Variants in KCNH5 observed in about 807,000 individuals in gnomAD.
KCNH5 encodes potassium voltage-gated channel subfamily H member 5.
KCNH5 carries 46 observed loss-of-function variants against 96.1 expected under a neutral mutation model. The ratio of observed to expected loss-of-function variants is 0.48; its 90% CI spans 0.38 to 0.61. The LOEUF is 0.61. Among genes scored for constraint, KCNH5 ranks in the 20% least tolerant of loss-of-function variants. KCNH5 has a pLI of 0.00. For synonymous variants in KCNH5, 439 were observed against 449.8 expected, an observed-to-expected ratio of 0.98 and a Z score of 0.30; for missense variants, 907 against 1,225.8, an observed-to-expected ratio of 0.74 and a Z score of 3.88.
chr14:63,009,531 C>T (rs1486338099), intron 2 of KCNH5, among the ~76,000 whole-genome samples: 1 of 151,956 alleles, frequency 6.6e-6, no homozygotes, highest in South Asian at 2.1e-4. Context: ...TTTATTATAC[C>T]GCATATTTCC....
At chr14:63,000,217 G>A (rs577564996) in intron 4 of KCNH5, among the ~76,000 whole-genome samples, 40 of 152,086 alleles carry the variant, frequency 2.6e-4, no homozygotes, top group Admixed American at 2.5e-3. Context: ...AAGTTTCTAT[G>A]CCAGTTTTTT....
chr14:62,910,941 A>G (rs75605219), intron 7 of KCNH5, among the ~76,000 whole-genome samples: 17 of 140,784 alleles, frequency 1.2e-4, no homozygotes, highest in African/African-American at 4.3e-4. Context: ...ACACACACAC[A>G]CCCCTCTGTT....
At chr14:62,727,297 G>C (rs984718044) in intron 10 of KCNH5, among the ~76,000 whole-genome samples, 3 of 152,058 alleles carry the variant, frequency 2.0e-5, no homozygotes, top group African/African-American at 4.8e-5. Context: ...CCTGGGACGT[G>C]GGGGTGACAG....
chr14:62,972,811 C>G (rs556205285), intron 6 of KCNH5, among the ~76,000 whole-genome samples: 3 of 152,032 alleles, frequency 2.0e-5, no homozygotes, highest in Non-Finnish European at 4.4e-5. Context: ...GAAGGCAAAA[C>G]TATGGAGACA....
chr14:62,941,278 G>T (rs1272515938), intron 7 of KCNH5, among the ~76,000 whole-genome samples: 1 of 152,162 alleles, frequency 6.6e-6, no homozygotes, highest in Admixed American at 6.6e-5. Context: ...TACAGAATTT[G>T]AGAGGCTTTG....
At chr14:62,775,667 A>G (rs1178542134) in intron 10 of KCNH5, among the ~76,000 whole-genome samples, 2 of 152,174 alleles carry the variant, frequency 1.3e-5, no homozygotes, top group African/African-American at 4.8e-5. Context: ...CCCTCTGAAT[A>G]GGCAGCAAGT....
chr14:62,807,759 A>AGGAG (rs2140004606), intron 8 of KCNH5, among the ~76,000 whole-genome samples: 2 of 152,230 alleles, frequency 1.3e-5, no homozygotes, highest in African/African-American at 4.8e-5. Context: ...GTTGTTTAAA[A>AGGAG]GGAGGGATGT....
chr14:62,721,600 C>T (rs1387839146), intron 10 of KCNH5, among the ~76,000 whole-genome samples: 1 of 151,698 alleles, frequency 6.6e-6, no homozygotes, highest in Admixed American at 6.6e-5. Flanking sequence ...CTCATCTTTG[C>T]CCCCAAACTG....
rs141909523 is a variant in KCNH5, at chr14:63,006,366, T to G, written c.304A>C (p.Arg102=). ...TCTTATTAATAATTGAGATACCTACTGTTTTTCTTGTACAGAAGAACTTCA... is the reference window on the plus strand; with the variant it reads ...TCTTATTAATAATTGAGATACCTACGGTTTTTCTTGTACAGAAGAACTTCA... ...CFEVLLYKKN[R]TPVWFYMQIA... The change falls in exon 3 of 11, where the codon AGA becomes CGA. Residue 102 remains arginine, a splice_region_variant and synonymous_variant. Coordinates refer to ENST00000322893, the MANE Select transcript of KCNH5 (RefSeq NM_139318.5). 5.3e-5 allele frequency: 84 copies of G among 1,586,422 alleles called. No homozygotes were observed. Among genetic ancestry groups the G allele is most frequent in the Non-Finnish European group, 7.0e-5 (81 of 1,156,430 alleles).
chr14:63,001,231 T>G, intron 4 of KCNH5, 100 bp downstream of exon 4: 1 of 1,017,590 alleles, frequency 9.8e-7, no homozygotes, highest in Non-Finnish European at 1.4e-6. Flanking sequence ...GGCCACATAG[T>G]AGAATTTTGT....
intron 1 of KCNH5, among the ~76,000 whole-genome samples, chr14:63,025,264 ACAT>A (rs1345834574): frequency 6.6e-6 from 1 of 152,032 alleles, no homozygotes; most frequent in African/African-American, 2.4e-5. Flanking sequence ...ACAAGCTCTA[ACAT>A]CATACTCAAT....
intron 10 of KCNH5, among the ~76,000 whole-genome samples, chr14:62,754,611 G>T (rs1258318874): frequency 1.3e-5 from 2 of 152,168 alleles, no homozygotes; most frequent in East Asian, 3.9e-4. Flanking sequence ...GCTGGCTCAT[G>T]CCTATAATCC....
At position 62,705,409 on chromosome 14, in the gene KCNH5, A is replaced by G. The variant is rs969747370; in HGVS notation, c.*2099T>C. 4 of 152,050 alleles carry G rather than the reference A, an allele frequency of 2.6e-5. No homozygotes were observed. Among genetic ancestry groups the G allele is most frequent in the African/African-American group, 9.6e-5 (4 of 41,464 alleles). 9.4% of individuals were successfully genotyped at this position (152,050 alleles called of 1,614,324 possible). On this transcript the variant is annotated 3_prime_UTR_variant, in exon 11 of 11. Coordinates refer to ENST00000322893, the MANE Select transcript of KCNH5 (RefSeq NM_139318.5). ...CAAATAGAAAAATACCCTGAAATTC[A>G]ATAAATGTCAGAGGTCACGAAAAAG...
chr14:63,013,483 T>C (rs913988116), intron 2 of KCNH5, among the ~76,000 whole-genome samples: 1 of 152,170 alleles, frequency 6.6e-6, no homozygotes, highest in Non-Finnish European at 1.5e-5. Flanking sequence ...CAGTGTCAAA[T>C]ACTTATCTCC....
intron 7 of KCNH5, among the ~76,000 whole-genome samples, chr14:62,869,632 G>C (rs908544025): frequency 2.6e-5 from 4 of 152,016 alleles, no homozygotes; most frequent in African/African-American, 4.8e-5. Context: ...GTATTGCCTA[G>C]GTTTTCTTCT....
intron 6 of KCNH5, among the ~76,000 whole-genome samples, chr14:62,966,027 G>C (rs879530156): frequency 2.0e-5 from 3 of 152,052 alleles, no homozygotes; most frequent in Non-Finnish European, 4.4e-5. Context: ...CTGTGACCAG[G>C]ACAATTGCAA....
At chr14:62,742,183 T>C (rs1885284627) in intron 10 of KCNH5, among the ~76,000 whole-genome samples, 1 of 151,944 alleles carries the variant, frequency 6.6e-6, no homozygotes, top group Non-Finnish European at 1.5e-5. Context: ...GAGTGCTCTA[T>C]GCAGCATATG....
chr14:63,041,885 A>G (rs1442166599), intron 1 of KCNH5, among the ~76,000 whole-genome samples: 3 of 152,164 alleles, frequency 2.0e-5, no homozygotes, highest in African/African-American at 7.2e-5. Flanking sequence ...TACAGAATAC[A>G]GTGCTGGTAT....
intron 7 of KCNH5, among the ~76,000 whole-genome samples, chr14:62,857,225 T>C (rs1277427038): frequency 1.3e-5 from 2 of 151,934 alleles, no homozygotes; most frequent in African/African-American, 2.4e-5. Flanking sequence ...CAATTACTAA[T>C]GTAACAAAGA....
Sources: allele counts gnomAD v4.1 joint callset (sites outside exome capture counted in the v4.1 genomes callset), GRCh38; gene constraint gnomAD v4.1.1; transcripts MANE v1.5; gene names NCBI Gene and HGNC (gene_info 2026-07-23, HGNC 2026-07-21).